The following HMCN1 variants were observed in gnomAD, a reference collection of about 807,000 sequenced individuals.
HMCN1 encodes hemicentin 1, also known as hemicentin-1.
A neutral mutation model predicts 625.9 loss-of-function variants in HMCN1; 321 were observed. The ratio of observed to expected loss-of-function variants is 0.51; its 90% CI spans 0.47 to 0.56. The LOEUF (loss-of-function observed/expected upper bound fraction) is 0.56. HMCN1 is among the 20% of genes least tolerant of loss of function. The pLI is 0.00. For synonymous variants in HMCN1, 2,425 were observed against 2,417.6 expected (o/e 1.00, Z -0.09); for missense variants, 6,588 against 6,887.3 (o/e 0.96, Z 1.54).
intron 17 of HMCN1, among the ~76,000 whole-genome samples, chr1:185,981,475 T>C (rs1255421292): frequency 6.6e-6 from 1 of 152,164 alleles, no homozygotes; most frequent in Non-Finnish European, 1.5e-5. Context: ...TTTGATGCAA[T>C]ATCTATTATT....
chr1:186,057,284 G>A lies in HMCN1; in HGVS notation c.7195G>A (p.Val2399Ile). Residue 2399 changes from valine (V) to isoleucine (I), a missense_variant, in exon 46 of 107, where the codon GTA becomes ATA. Val to Ile is a conservative substitution (Grantham distance 29). This residue lies in a region of HMCN1 where 4,628 missense variants were observed against 4,853.1 expected (regional missense o/e 0.95). Transcript: ENST00000271588. ...NHRSPENISVVEKNSVSLTCE... is the reference protein window; with the variant it reads ...NHRSPENISVIEKNSVSLTCE... ...CAGGTCACCTGAAAATATTAGTGTG[G>A]TAGAAAAGAACTCAGTATCTTTGAC... 6.2e-7 allele frequency: 1 copy of A among 1,611,264 alleles called. No homozygotes were observed. Among genetic ancestry groups the A allele is most frequent in the Non-Finnish European group, 8.5e-7 (1 of 1,177,928 alleles).
At chr1:186,150,460 C>T (rs1650597268) in intron 93 of HMCN1, among the ~76,000 whole-genome samples, 2 of 152,024 alleles carry the variant, frequency 1.3e-5, no homozygotes, top group South Asian at 4.1e-4. Context: ...AACCAGATTA[C>T]CTTGGTATGA....
rs755639361 is a variant in HMCN1 at position 186,171,442 on chromosome 1, A to T, written c.15680A>T (p.Lys5227Ile). The change falls in exon 101 of 107, where the codon AAA becomes ATA. Residue 5227 changes from lysine (K) to isoleucine (I), a missense_variant. By Grantham distance (102) the Lys-to-Ile change is moderately radical (BLOSUM62 -3). Around this residue, in one of 3 missense-constraint regions of HMCN1, gnomAD observed 1,954 missense variants for 2,013.1 expected, o/e 0.97. Coordinates refer to ENST00000271588, the MANE Select transcript of HMCN1 (RefSeq NM_031935.3). ...CCTGGGTATCAGCTCAAAGGCAGAA[A>T]ATGCATGGGTAAGAAAAGGGCTTTG... is the stretch of plus-strand genomic sequence containing the variant. ...CEPGYQLKGR[K>I]CMDVNECRQN... is the part of the protein sequence containing the mutation. 1.2e-6 allele frequency: 2 copies of T among 1,610,412 alleles called. No individual in the cohort carries two copies. Among genetic ancestry groups the T allele is most frequent in the Non-Finnish European group, 1.7e-6 (2 of 1,176,752 alleles).
Position 186,090,763 on chromosome 1 carries a change from C to T in HMCN1, c.9733C>T (p.Pro3245Ser), listed in dbSNP as rs758603119. 2.5e-6 allele frequency: 4 copies of T among 1,612,160 alleles called. No homozygotes were observed. Among genetic ancestry groups the T allele is most frequent in the Non-Finnish European group, 3.4e-6 (4 of 1,178,734 alleles). Residue 3245 changes from proline (P) to serine (S), a missense_variant, in exon 64 of 107, where the codon CCA (proline) becomes TCA (serine). By Grantham distance (74) the Pro-to-Ser change is moderately conservative. Transcript: ENST00000271588. ...KYYFLSIQVP[P>S]SVAGAEIPSD... Reference sequence around the variant, plus strand: ...TCCTAATTATTTCTCCAAAGTTCCTCCAAGTGTTGCTGGTGCTGAAATTCC... The same window carrying T: ...TCCTAATTATTTCTCCAAAGTTCCTTCAAGTGTTGCTGGTGCTGAAATTCC...
In HMCN1 at chr1:186,095,474, C is replaced by T. The variant is rs1013300002; in HGVS notation, c.10526C>T (p.Ser3509Leu). 1.2e-6 allele frequency: 2 copies of T among 1,613,604 alleles called. No homozygotes were observed. Among genetic ancestry groups the T allele is most frequent in the Non-Finnish European group, 1.7e-6 (2 of 1,179,726 alleles). The change falls in exon 68 of 107, where the codon TCA (serine) becomes TTA (leucine). Residue 3509 changes from serine to leucine, a missense_variant. This residue lies in a region of HMCN1 where 4,628 missense variants were observed against 4,853.1 expected (regional missense o/e 0.95). Coordinates refer to ENST00000271588, the MANE Select transcript of HMCN1 (RefSeq NM_031935.3). ...EDSGKYTCIA[S>L]NEAGEVSKHF... is the part of the protein sequence containing the mutation. ...TCGGGAAAGTACACCTGCATTGCCT[C>T]AAATGAAGCTGGAGAAGTCAGCAAG...
chr1:186,159,633 T>G (rs1332034267), intron 97 of HMCN1, among the ~76,000 whole-genome samples: 1 of 152,138 alleles, frequency 6.6e-6, no homozygotes, highest in Non-Finnish European at 1.5e-5. Context: ...GCATGAAGTG[T>G]TGTTGAATTT....
intron 80 of HMCN1, among the ~76,000 whole-genome samples, 169 bp downstream of exon 80, chr1:186,120,314 G>A (rs1661343059): frequency 1.3e-5 from 2 of 152,142 alleles, no homozygotes; most frequent in Non-Finnish European, 2.9e-5. Flanking sequence ...AAAGTTTAAT[G>A]TATTTTATTT....
intron 36 of HMCN1, among the ~76,000 whole-genome samples, chr1:186,024,391 G>A (rs1443424105): frequency 6.6e-6 from 1 of 152,060 alleles, no homozygotes; most frequent in East Asian, 1.9e-4. Context: ...TATGCTGGGG[G>A]GGATTCTCTC....
intron 18 of HMCN1, 124 bp downstream of exon 18, chr1:185,982,513 T>C: frequency 1.1e-6 from 1 of 871,224 alleles, no homozygotes. Flanking sequence ...GGATCTAGGC[T>C]CACCGCAACC....
intron 4 of HMCN1, among the ~76,000 whole-genome samples, chr1:185,870,804 G>A (rs1442626589): frequency 2.6e-5 from 4 of 152,106 alleles, no homozygotes; most frequent in African/African-American, 7.2e-5. Flanking sequence ...TACAGAGGCA[G>A]GGTATCAGTA....
chr1:186,166,247 A>G lies in HMCN1; in HGVS notation c.15383A>G (p.Tyr5128Cys). The G allele has an allele frequency of 1.9e-6, 3 of 1,614,112 alleles. No homozygotes were observed. Among genetic ancestry groups the G allele is most frequent in the Non-Finnish European group, 2.5e-6 (3 of 1,179,968 alleles). Residue 5128 changes from tyrosine (Y) to cysteine (C), a missense_variant, in exon 99 of 107, where the codon TAC becomes TGC. By Grantham distance (194) the Tyr-to-Cys change is radical. Transcript: ENST00000271588. ...AGCTGCCACAATGCCATGGGGACTT[A>G]CTACTGCTCCTGCCCTAAAGGCCTC... ...SHSCHNAMGT[Y>C]YCSCPKGLTI...
chr1:186,122,321 A>G (rs1661434164), intron 80 of HMCN1, among the ~76,000 whole-genome samples: 1 of 152,194 alleles, frequency 6.6e-6, no homozygotes, highest in African/African-American at 2.4e-5. Context: ...ATGCGTTACA[A>G]CTGAATAGAA....
At chr1:186,175,489 A>G (rs1466261624) in intron 103 of HMCN1, among the ~76,000 whole-genome samples, 3 of 152,218 alleles carry the variant, frequency 2.0e-5, no homozygotes, top group Admixed American at 2.0e-4. Context: ...AACTAATACC[A>G]TTACTAGAAA....
At chr1:185,769,538 A>G (rs1656090525) in intron 1 of HMCN1, among the ~76,000 whole-genome samples, 1 of 152,166 alleles carries the variant, frequency 6.6e-6, no homozygotes, top group South Asian at 2.1e-4. Flanking sequence ...TAAAAAGAAA[A>G]ATGGCAGGGT....
rs757150387 is a variant in HMCN1, at chr1:186,081,340, G to T, written c.8733G>T (p.Gln2911His). Residue 2911 changes from glutamine (Q) to histidine (H), a missense_variant, in exon 56 of 107, where the codon CAG becomes CAT. This residue lies in a region of HMCN1 where 4,628 missense variants were observed against 4,853.1 expected (regional missense o/e 0.95). Transcript: ENST00000271588. ...APRNSWQKDG[Q>H]PLLEDDHHKF... is the part of the protein sequence containing the mutation. ...GGAATTCCTGGCAGAAAGATGGACA[G>T]CCCTTGCTAGAAGATGACCATCATA... 6.2e-7 allele frequency: 1 copy of T among 1,613,616 alleles called. No individual in the cohort carries two copies.
At chr1:185,926,827 C>T (rs770744389) in intron 9 of HMCN1, among the ~76,000 whole-genome samples, 70 of 152,130 alleles carry the variant, frequency 4.6e-4, no homozygotes, top group South Asian at 4.2e-4. Context: ...AGAGAGAATC[C>T]GTTTGCATTA....
intron 68 of HMCN1, among the ~76,000 whole-genome samples, chr1:186,095,729 G>T (rs1194739195): frequency 1.3e-5 from 2 of 152,022 alleles, no homozygotes; most frequent in Non-Finnish European, 2.9e-5. Context: ...TCTCTGAAAA[G>T]ATGAAAACTC....
rs140227045 is a variant in HMCN1, at chr1:186,018,911, C to A, written c.5470+559C>A. On this transcript the variant is annotated intron_variant, in intron 34 of 106. Coordinates refer to ENST00000271588, the MANE Select transcript of HMCN1 (RefSeq NM_031935.3). ...GGGTATTATGTGTCTCACTTGCTGG[C>A]AGAACTTGGGAAGGGAGGACTGGAA... 7.9e-5 allele frequency among the ~76,000 whole-genome samples: 12 copies of A among 152,098 alleles called. No individual in the cohort carries two copies. The East Asian group carries it at 2.1e-3, about 27-fold the overall frequency.
intron 106 of HMCN1, among the ~76,000 whole-genome samples, chr1:186,188,557 C>T (rs1653502975): frequency 1.3e-5 from 2 of 152,200 alleles, no homozygotes; most frequent in Non-Finnish European, 2.9e-5. Flanking sequence ...TTTTCTCTCT[C>T]CCCTTCCAGA....
Sources: gnomAD v4.1 joint callset for allele counts (sites outside exome capture counted in the v4.1 genomes callset) on GRCh38, gnomAD v4.1.1 for gene constraint, gnomAD v4.1.1 regional missense constraint, MANE v1.5 for transcripts, NCBI Gene and HGNC (gene_info 2026-07-23, HGNC 2026-07-21) for gene names.